XKR4: variants seen among roughly 807,000 people sequenced by gnomAD.
XKR4 encodes the protein XK-related protein 4.
In XKR4, 12 loss-of-function variants were observed where a neutral mutation model predicts 53.9. The observed-to-expected ratio is 0.22, with a 90% CI of 0.14 to 0.36. The LOEUF is 0.36. XKR4 is among the 10% of genes least tolerant of loss of function. XKR4 has a pLI of 1.00. For synonymous variants in XKR4, 354 were observed against 362.4 expected (o/e 0.98, Z 0.26); for missense variants, 799 against 859.5 (o/e 0.93, Z 0.88).
intron 1 of XKR4, among the ~76,000 whole-genome samples, chr8:55,250,647 G>T (rs746532884): frequency 2.0e-5 from 3 of 152,176 alleles, no homozygotes; most frequent in Non-Finnish European, 2.9e-5. Flanking sequence ...ATATTTAATA[G>T]AGGCAATTTT....
At chr8:55,179,351 G>T (rs1048435145) in intron 1 of XKR4, among the ~76,000 whole-genome samples, 7 of 152,138 alleles carry the variant, frequency 4.6e-5, no homozygotes, top group African/African-American at 7.2e-5. Context: ...TGCCAGTGCC[G>T]ACATGCAAGA....
intron 2 of XKR4, among the ~76,000 whole-genome samples, chr8:55,364,613 T>A (rs1334830838): frequency 1.3e-5 from 2 of 150,796 alleles, no homozygotes; most frequent in Admixed American, 1.3e-4. Context: ...GTTTTTGTTT[T>A]GTTTTGTTTT....
At position 55,540,926 on chromosome 8, in the gene XKR4, A is replaced by G. The variant is rs995031359; in HGVS notation, c.*16699A>G. On this transcript the variant is annotated 3_prime_UTR_variant, in exon 3 of 3. Coordinates refer to ENST00000327381, the MANE Select transcript of XKR4 (RefSeq NM_052898.2). The stretch of plus-strand genomic sequence containing the variant: ...ACTAACATCCTACCAAGCAGATTGG[A>G]AACAAATACTACTACCACTAATATT... 6.6e-6 allele frequency: 1 copy of G among 152,210 alleles called. No homozygotes were observed. The highest frequency in any genetic ancestry group is 2.4e-5 in the African/African-American group (1 of 41,460). The allele number at this position is 152,210 out of a possible 1,614,324, so 9.4% of individuals were successfully genotyped here.
chr8:55,441,034 C>T (rs899983574), intron 2 of XKR4, among the ~76,000 whole-genome samples: 9 of 147,902 alleles, frequency 6.1e-5, no homozygotes, highest in Non-Finnish European at 1.3e-4. Flanking sequence ...TTGATACCAG[C>T]CTGGACAACA....
chr8:55,289,851 GGAAAGAAAGAAAGAAAGAA>G (rs1818990992), intron 1 of XKR4, among the ~76,000 whole-genome samples: 2 of 135,618 alleles, frequency 1.5e-5, no homozygotes, highest in Non-Finnish European at 3.1e-5. Flanking sequence ...AAAGAAAGAA[GGAAAGAAAGAAAGAAAGAA>G]AGAAAGAAAG....
chr8:55,333,155 C>T (rs1803405226), intron 1 of XKR4, among the ~76,000 whole-genome samples: 1 of 151,878 alleles, frequency 6.6e-6, no homozygotes. Context: ...TGTCCATGTT[C>T]TCTTTTAGCT....
intron 1 of XKR4, among the ~76,000 whole-genome samples, chr8:55,183,665 T>C (rs1475693521): frequency 6.6e-6 from 1 of 152,180 alleles, no homozygotes; most frequent in Non-Finnish European, 1.5e-5. Flanking sequence ...ATGTGGTTTA[T>C]TAGGGTGAAT....
At chr8:55,292,168 C>T (rs1246335505) in intron 1 of XKR4, among the ~76,000 whole-genome samples, 1 of 152,098 alleles carries the variant, frequency 6.6e-6, no homozygotes, top group Non-Finnish European at 1.5e-5. Context: ...CTAGTTTTGA[C>T]ATTAGGGTAA....
intron 1 of XKR4, among the ~76,000 whole-genome samples, chr8:55,310,949 C>G (rs925455933): frequency 6.6e-6 from 1 of 152,218 alleles, no homozygotes; most frequent in Non-Finnish European, 1.5e-5. Context: ...TCACCCTCAG[C>G]ATCATCTCCA....
rs145385603 is a variant in XKR4 at position 55,355,684 on chromosome 8, A to G, written c.807-1994A>G. Among the ~76,000 whole-genome samples, 44 of 152,356 alleles carry G rather than the reference A, an allele frequency of 2.9e-4. No individual in the cohort carries two copies. The East Asian group carries it at 7.9e-3, about 27-fold the overall frequency. Reference sequence around the variant, plus strand: ...ATTTCTATCAGACTTTTCCATAAGAACACTAGGCTAGTAAACAACGAAATG... The same window carrying G: ...ATTTCTATCAGACTTTTCCATAAGAGCACTAGGCTAGTAAACAACGAAATG... On this transcript the variant is annotated intron_variant, in intron 1 of 2. Coordinates refer to ENST00000327381, the MANE Select transcript of XKR4 (RefSeq NM_052898.2).
At chr8:55,284,845 G>T (rs1818886289) in intron 1 of XKR4, among the ~76,000 whole-genome samples, 1 of 152,144 alleles carries the variant, frequency 6.6e-6, no homozygotes, top group Admixed American at 6.6e-5. Flanking sequence ...TATTGCATCA[G>T]CCTCAACTCC....
chr8:55,356,931 TTAA>T (rs1250450874), intron 1 of XKR4, among the ~76,000 whole-genome samples: 4 of 152,132 alleles, frequency 2.6e-5, no homozygotes, highest in African/African-American at 9.7e-5. Flanking sequence ...TAATAGATAG[TTAA>T]TAATTTTCTT....
intron 1 of XKR4, among the ~76,000 whole-genome samples, chr8:55,331,229 T>A (rs1289917388): frequency 6.6e-6 from 1 of 152,210 alleles, no homozygotes; most frequent in African/African-American, 2.4e-5. Context: ...TTTAACAGTA[T>A]GTTGTTTAAT....
chr8:55,522,500 C>T (rs1563372640), intron 2 of XKR4, among the ~76,000 whole-genome samples: 1 of 152,186 alleles, frequency 6.6e-6, no homozygotes, highest in Non-Finnish European at 1.5e-5. Flanking sequence ...TTTAAGAATG[C>T]ATAAACTGTC....
At chr8:55,446,090 T>G (rs1805342390) in intron 2 of XKR4, among the ~76,000 whole-genome samples, 1 of 152,162 alleles carries the variant, frequency 6.6e-6, no homozygotes, top group Non-Finnish European at 1.5e-5. Flanking sequence ...CACTTTGTCC[T>G]CCTGCCTCAC....
chr8:55,213,331 T>C (rs1318209189), intron 1 of XKR4, among the ~76,000 whole-genome samples: 2 of 152,202 alleles, frequency 1.3e-5, no homozygotes, highest in African/African-American at 2.4e-5. Context: ...GAGTCGAAGC[T>C]GTCCTCTTGC....
intron 2 of XKR4, among the ~76,000 whole-genome samples, chr8:55,415,400 T>C (rs554518657): frequency 6.6e-6 from 1 of 152,256 alleles, no homozygotes; most frequent in African/African-American, 2.4e-5. Flanking sequence ...AAAGTAATGA[T>C]TATGTCAGAA....
In XKR4 at chr8:55,327,666, T is replaced by C. The variant is rs555445984; in HGVS notation, c.807-30012T>C. 7.8e-4 allele frequency among the ~76,000 whole-genome samples: 119 copies of C among 152,364 alleles called. No individual in the cohort carries two copies. In the Middle Eastern group the frequency reaches 0.017, roughly 22 times the overall value. The stretch of plus-strand genomic sequence containing the variant: ...AATAGTATTTGTGTCTTTTAATACA[T>C]ATAAGTATAGCATGTCTTTTCAGTG... On this transcript the variant is annotated intron_variant, in intron 1 of 2. Transcript: ENST00000327381.
chr8:55,311,404 G>A (rs181892877), intron 1 of XKR4, among the ~76,000 whole-genome samples: 1 of 152,286 alleles, frequency 6.6e-6, no homozygotes, highest in East Asian at 1.9e-4. Context: ...GCAAAATAGG[G>A]AAGTGGTGAG....
Sources: allele counts gnomAD v4.1 joint callset (sites outside exome capture counted in the v4.1 genomes callset), GRCh38; gene constraint gnomAD v4.1.1; transcripts MANE v1.5; gene names NCBI Gene and HGNC (gene_info 2026-07-23, HGNC 2026-07-21).